Variants in SPEG observed in about 807,000 individuals in gnomAD.
The protein encoded by SPEG is striated muscle enriched protein kinase, also known as striated muscle preferentially expressed protein kinase.
A neutral mutation model predicts 300.4 loss-of-function variants in SPEG; 114 were observed. The observed-to-expected ratio is 0.38, with a 90% CI of 0.33 to 0.44. The LOEUF is 0.44. SPEG is among the 20% of genes least tolerant of loss of function. The probability of loss-of-function intolerance (pLI) is 1.00; values close to 1 mark genes in which losing one functional copy is unlikely to be tolerated. For missense variants in SPEG, 4,201 were observed against 4,586.2 expected (o/e 0.92, Z 2.43); for synonymous variants, 1,964 against 2,018.9 (o/e 0.97, Z 0.73).
Position 219,435,130 on chromosome 2 carries a change from C to G in SPEG, c.153C>G (p.Asn51Lys). The G allele has an allele frequency of 1.4e-6, 2 of 1,457,486 alleles. No homozygotes were observed. Among genetic ancestry groups the G allele is most frequent in the South Asian group, 2.7e-5 (2 of 72,932 alleles). The allele number at this position is 1,457,486 out of a possible 1,614,324, so 90.3% of individuals were successfully genotyped here. ...CAGTCTTCCTGCGGCCCCTGAAGAA[C>G]GCGGCGGTGTGCGCGGGCAGCGACG... is the stretch of plus-strand genomic sequence containing the variant. ...GAPVFLRPLK[N>K]AAVCAGSDVR... is the part of the protein sequence containing the mutation. The change falls in exon 1 of 41, where the codon AAC (asparagine) becomes AAG (lysine). Residue 51 changes from asparagine to lysine, a missense_variant. By Grantham distance (94) the Asn-to-Lys change is moderately conservative. Coordinates refer to ENST00000312358, the MANE Select transcript of SPEG (RefSeq NM_005876.5).
chr2:219,439,085 C>G lies in SPEG; in HGVS notation c.388+3720C>G, dbSNP rs972399378. Reference sequence around the variant, plus strand: ...GTGGGAGCAGAGAGGAGCTCTGGGACCCTCTCCAGGGGAATCCTGAGTGGA... The same window carrying G: ...GTGGGAGCAGAGAGGAGCTCTGGGAGCCTCTCCAGGGGAATCCTGAGTGGA... On this transcript the variant is annotated intron_variant, in intron 1 of 40. Transcript: ENST00000312358. This position sits in a 1 kb window ranked among gnomAD's most constrained non-coding sequence, Gnocchi z 4.5. Among the ~76,000 whole-genome samples the G allele has an allele frequency of 1.3e-5, 2 of 152,042 alleles. No individual in the cohort carries two copies. The highest frequency in any genetic ancestry group is 2.9e-5 in the Non-Finnish European group (2 of 68,010).
Position 219,444,090 on chromosome 2 carries a change from G to A in SPEG, c.389-563G>A, listed in dbSNP as rs778883071. 151 of 1,352,302 alleles carry A rather than the reference G, an allele frequency of 1.1e-4. 1 individual carries two copies. Among genetic ancestry groups the A allele is most frequent in the Non-Finnish European group, 4.7e-5 (48 of 1,013,560 alleles). The allele number at this position is 1,352,302 out of a possible 1,614,324, so 83.8% of individuals were successfully genotyped here. ...AAACTGGCTCCTGCTCTAGCCCCCC[G>A]CATCCCCCCCTTTCCCACCCGGCCC... On this transcript the variant is annotated intron_variant, in intron 1 of 40. Coordinates refer to ENST00000312358, the MANE Select transcript of SPEG (RefSeq NM_005876.5). This position sits in a 1 kb window ranked among gnomAD's most constrained non-coding sequence, Gnocchi z 7.8.
chr2:219,477,073 C>T lies in SPEG; in HGVS notation c.4560+91C>T. 8.2e-7 allele frequency: 1 copy of T among 1,224,218 alleles called. No homozygotes were observed. The highest frequency in any genetic ancestry group is 1.4e-5 in the South Asian group (1 of 69,698). The allele number at this position is 1,224,218 out of a possible 1,614,324, so 75.8% of individuals were successfully genotyped here. On this transcript the variant is annotated intron_variant, in intron 19 of 40. Transcript: ENST00000312358. The surrounding 1 kb of genome is among the most constrained non-coding windows in gnomAD (Gnocchi z 6.4). ...CCTGGAAGGCCTTAGGAGGGCGGAGCCCGGGCAGAGGCGTGGTTAGGAGGA... is the reference window on the plus strand; with the variant it reads ...CCTGGAAGGCCTTAGGAGGGCGGAGTCCGGGCAGAGGCGTGGTTAGGAGGA...
chr2:219,472,157 C>T (rs1358001212), intron 14 of SPEG, 70 bp from the exon 15 acceptor site: 1 of 1,554,408 alleles, frequency 6.4e-7, no homozygotes, highest in Non-Finnish European at 8.8e-7. Flanking sequence ...GCCTCCTGCC[C>T]TGAGGCTCGG....
Position 219,467,250 on chromosome 2 carries a change from G to A in SPEG, c.2958G>A (p.Leu986=). ...ACGTGGGGGCCGGGGAGATGGCGCT[G>A]TTTGAGTGCCTGGTGGCGGGGCCCA... ...DVDVGAGEMA[L]FECLVAGPTD... The change falls in exon 10 of 41, where the codon CTG becomes CTA. Residue 986 remains leucine, a synonymous_variant. Coordinates refer to ENST00000312358, the MANE Select transcript of SPEG (RefSeq NM_005876.5). 6.2e-7 allele frequency: 1 copy of A among 1,607,700 alleles called. No homozygotes were observed. The highest frequency in any genetic ancestry group is 8.5e-7 in the Non-Finnish European group (1 of 1,178,718).
In SPEG at chr2:219,483,695, G is replaced by T; in HGVS notation, c.6232G>T (p.Gly2078Cys). The change falls in exon 30 of 41, where the codon GGC (glycine) becomes TGC (cysteine). Residue 2078 changes from glycine to cysteine, a missense_variant. By Grantham distance (159) the Gly-to-Cys change is radical. Transcript: ENST00000312358. ...QALRQRLLRG[G>C]PEDGKVSGLR... ...CCTGCGCCAGCGGCTGCTGCGGGGA[G>T]GCCCCGAGGATGGCAAGGTCAGCGG... 1 of 1,533,868 alleles carries T rather than the reference G, an allele frequency of 6.5e-7. No homozygotes were observed. Among genetic ancestry groups the T allele is most frequent in the Non-Finnish European group, 8.7e-7 (1 of 1,146,682 alleles).
intron 6 of SPEG, chr2:219,461,106 C>T (rs563544694): frequency 2.3e-6 from 2 of 887,522 alleles, no homozygotes; most frequent in Admixed American, 1.2e-4. Flanking sequence ...TAGGAGCCAG[C>T]TCAGCGAGAC....
At chr2:219,446,424 G>A (rs989416232) in intron 3 of SPEG, among the ~76,000 whole-genome samples, 2 of 152,112 alleles carry the variant, frequency 1.3e-5, no homozygotes, top group African/African-American at 4.8e-5. Context: ...ACTTCCCAGA[G>A]GCTCTTCCCT....
chr2:219,482,430 G>A, intron 28 of SPEG: 1 of 247,846 alleles, frequency 4.0e-6, no homozygotes, highest in Non-Finnish European at 7.9e-6. Flanking sequence ...ACAGAGGGGA[G>A]CTGGGGAGCC....
chr2:219,476,345 G>A (rs79791460), intron 18 of SPEG, among the ~76,000 whole-genome samples: 5,334 of 152,244 alleles, frequency 0.035, 303 homozygotes, highest in African/African-American at 0.12. Flanking sequence ...CCATCCATGA[G>A]CTTAATTCAG....
At position 219,444,943 on chromosome 2, in the gene SPEG, G is replaced by T; in HGVS notation, c.597G>T (p.Ala199=). 6.3e-7 allele frequency: 1 copy of T among 1,592,238 alleles called. No individual in the cohort carries two copies. Residue 199 remains alanine (A), a synonymous_variant, in exon 3 of 41, where the codon GCG becomes GCT. Transcript: ENST00000312358. The surrounding 1 kb of genome is among the most constrained non-coding windows in gnomAD (Gnocchi z 7.8). ...GGCAGACGGTCCTGGAGCAGGAAGCGGGCAGTGGGGGTGGCACCCGCCGCC... is the reference window on the plus strand; with the variant it reads ...GGCAGACGGTCCTGGAGCAGGAAGCTGGCAGTGGGGGTGGCACCCGCCGCC... The part of the protein sequence containing the change: ...GSGQTVLEQE[A]GSGGGTRRLP...
chr2:219,491,978 T>G lies in SPEG; in HGVS notation c.9461+109T>G, dbSNP rs2125606484. 2.3e-5 allele frequency: 31 copies of G among 1,334,448 alleles called. 1 individual carries two copies. In the South Asian group the frequency reaches 3.9e-4, roughly 17 times the overall value. The allele number at this position is 1,334,448 out of a possible 1,614,324, so 82.7% of individuals were successfully genotyped here. A position where few individuals can be genotyped will look rare whatever the true frequency, so the allele number is the denominator to read the frequency against. On this transcript the variant is annotated intron_variant, in intron 39 of 40. Transcript: ENST00000312358. Reference sequence around the variant, plus strand: ...GTGCCCCACCTCCCCTGTACACACATCCACACTGCACACTCACACTCAGGT... The same window carrying G: ...GTGCCCCACCTCCCCTGTACACACAGCCACACTGCACACTCACACTCAGGT...
rs949643854 is a variant in SPEG, at chr2:219,441,454, G to A, written c.389-3199G>A. On this transcript the variant is annotated intron_variant, in intron 1 of 40. Coordinates refer to ENST00000312358, the MANE Select transcript of SPEG (RefSeq NM_005876.5). ...CCACACCCGCCAGGACCCTTGCCCT[G>A]CGTTTGACCTAGGCGCCCCCACCCG... 7.7e-5 allele frequency: 36 copies of A among 465,046 alleles called. No homozygotes were observed. The Admixed American group carries it at 8.2e-4, about 11-fold the overall frequency. The allele number at this position is 465,046 out of a possible 1,614,324, so 28.8% of individuals were successfully genotyped here.
intron 9 of SPEG, chr2:219,466,104 G>T: frequency 6.3e-7 from 1 of 1,592,488 alleles, no homozygotes. Context: ...TACCCTCCGA[G>T]CCGCGCCCCT....
rs113914657 is a variant in SPEG at position 219,459,430 on chromosome 2, C to A, written c.2441-2452C>A. On this transcript the variant is annotated intron_variant, in intron 6 of 40. Transcript: ENST00000312358. This position sits in a 1 kb window ranked among gnomAD's most constrained non-coding sequence, Gnocchi z 4.9. ...GGAATCCTCGATCAGCTTCCTTGGT[C>A]ACTCACTTTTGGAGGTATGGAGGGG... 9.0e-3 allele frequency among the ~76,000 whole-genome samples: 1,370 copies of A among 152,292 alleles called. 18 individuals are homozygous for A. The highest frequency in any genetic ancestry group is 0.031 in the African/African-American group (1,299 of 41,558).
chr2:219,469,952 T>C (rs978056992), intron 13 of SPEG, among the ~76,000 whole-genome samples: 1 of 152,056 alleles, frequency 6.6e-6, no homozygotes, highest in South Asian at 2.1e-4. Flanking sequence ...AGGAACGTAT[T>C]TGGGTTGGTG....
chr2:219,471,931 G>A lies in SPEG; in HGVS notation c.3779G>A (p.Ser1260Asn), dbSNP rs1467710785. ...CCTCAGCACGCCGGTGTCTACAAGA[G>A]CGTCATTGCCAACAAGCTGGGCAAA... Reference protein sequence around the residue: ...VGPQHAGVYKSVIANKLGKAA... With the variant: ...VGPQHAGVYKNVIANKLGKAA... The change falls in exon 14 of 41, where the codon AGC (serine) becomes AAC (asparagine). Residue 1260 changes from serine to asparagine, a missense_variant. Transcript: ENST00000312358. 5 of 1,613,872 alleles carry A rather than the reference G, an allele frequency of 3.1e-6. No homozygotes were observed. The African/African-American group carries it at 5.3e-5, about 17-fold the overall frequency.
chr2:219,467,519 G>T, intron 10 of SPEG, 85 bp downstream of exon 10: 3 of 1,481,754 alleles, frequency 2.0e-6, no homozygotes, highest in Non-Finnish European at 2.7e-6. Context: ...AGATGCCTGG[G>T]AAACAGAGCT....
chr2:219,480,005 A>C lies in SPEG; in HGVS notation c.5207A>C (p.Gln1736Pro). 6.2e-7 allele frequency: 1 copy of C among 1,614,172 alleles called. No homozygotes were observed. The highest frequency in any genetic ancestry group is 8.5e-7 in the Non-Finnish European group (1 of 1,180,032). Residue 1736 changes from glutamine (Q) to proline (P), a missense_variant, in exon 25 of 41, where the codon CAG becomes CCG. Around this residue, in one of 4 missense-constraint regions of SPEG, gnomAD observed 1,047 missense variants for 1,356.8 expected, o/e 0.77. Transcript: ENST00000312358. The surrounding 1 kb of genome is among the most constrained non-coding windows in gnomAD (Gnocchi z 5.3). ...TGGGATGGTGCTGCGGGCGAGCAGC[A>C]GGTGCGGATCTGTGACTTTGGGAAT... ...LVWDGAAGEQ[Q>P]VRICDFGNAQ...
Sources: gnomAD v4.1 joint callset for allele counts (sites outside exome capture counted in the v4.1 genomes callset) on GRCh38, gnomAD v4.1.1 for gene constraint, gnomAD v4.1.1 regional missense constraint, Gnocchi (gnomAD v3.1) non-coding constraint, MANE v1.5 for transcripts, NCBI Gene and HGNC (gene_info 2026-07-23, HGNC 2026-07-21) for gene names.